PAX7: variants seen among roughly 807,000 people sequenced by gnomAD.
PAX7 encodes paired box protein Pax-7.
A neutral mutation model predicts 50.7 loss-of-function variants in PAX7; 18 were observed. The ratio of observed to expected loss-of-function variants is 0.36; its 90% CI spans 0.25 to 0.53. The LOEUF (loss-of-function observed/expected upper bound fraction) is 0.53, where lower values mean the gene tolerates loss of function less well. PAX7 is among the 20% of genes least tolerant of loss of function. PAX7 has a pLI of 0.93. For missense variants in PAX7, 644 were observed against 702.9 expected (o/e 0.92, Z 0.95); for synonymous variants, 310 against 290.4 (o/e 1.07, Z -0.69).
At chr1:18,671,713 G>A (rs1237588200) in intron 4 of PAX7, among the ~76,000 whole-genome samples, 1 of 152,154 alleles carries the variant, frequency 6.6e-6, no homozygotes, top group African/African-American at 2.4e-5. Context: ...GCCAGGCCTG[G>A]TGGTTCATAC....
In PAX7 at chr1:18,691,835, C is replaced by T; in HGVS notation, c.668C>T (p.Thr223Ile). The change falls in exon 5 of 9, where the codon ACA (threonine) becomes ATA (isoleucine). Residue 223 changes from threonine (T) to isoleucine (I), a missense_variant. Thr to Ile is a moderately conservative substitution (Grantham distance 89). Transcript: ENST00000420770. ...CGCAAGCAGCGACGCAGTCGGACCACATTCACGGCCGAGCAGCTGGAGGAG... is the reference window on the plus strand; with the variant it reads ...CGCAAGCAGCGACGCAGTCGGACCATATTCACGGCCGAGCAGCTGGAGGAG... ...LKRKQRRSRT[T>I]FTAEQLEELE... 6.2e-7 allele frequency: 1 copy of T among 1,613,564 alleles called. No individual in the cohort carries two copies. The highest frequency in any genetic ancestry group is 1.3e-5 in the African/African-American group (1 of 75,080).
Position 18,631,699 on chromosome 1 carries a change from C to G in PAX7, c.85+11C>G. 1.9e-6 allele frequency: 3 copies of G among 1,606,864 alleles called. No homozygotes were observed. The highest frequency in any genetic ancestry group is 2.5e-6 in the Non-Finnish European group (3 of 1,176,572). ...GATTCCCTTTGGAAGGTAAGAACGCCCAGGCTGGCCTCGCCGCGACTCCGC... is the reference window on the plus strand; with the variant it reads ...GATTCCCTTTGGAAGGTAAGAACGCGCAGGCTGGCCTCGCCGCGACTCCGC... On this transcript the variant is annotated intron_variant, in intron 1 of 8. Transcript: ENST00000420770.
chr1:18,680,223 G>T (rs1333530595), intron 4 of PAX7, among the ~76,000 whole-genome samples: 1 of 152,154 alleles, frequency 6.6e-6, no homozygotes, highest in Non-Finnish European at 1.5e-5. Context: ...CTAGGGAATA[G>T]GCAGGATGGC....
intron 4 of PAX7, among the ~76,000 whole-genome samples, chr1:18,685,672 G>A (rs114119218): frequency 0.019 from 2,848 of 152,332 alleles, 86 homozygotes; most frequent in African/African-American, 0.064. Flanking sequence ...CTCACTCACA[G>A]AAGCCATGAG....
At chr1:18,672,849 C>A (rs1452374232) in intron 4 of PAX7, among the ~76,000 whole-genome samples, 1 of 152,142 alleles carries the variant, frequency 6.6e-6, no homozygotes, top group African/African-American at 2.4e-5. Context: ...GGTGATCTGC[C>A]TGCCTCAGCC....
chr1:18,722,053 C>T (rs112424924), intron 7 of PAX7, among the ~76,000 whole-genome samples: 2,215 of 152,276 alleles, frequency 0.015, 58 homozygotes, highest in African/African-American at 0.05. Context: ...CAGGGTTAGA[C>T]CTGCTTCCCA....
At position 18,635,196 on chromosome 1, in the gene PAX7, G is replaced by A; in HGVS notation, c.407G>A (p.Arg136Lys). 1 of 1,614,048 alleles carries A rather than the reference G, an allele frequency of 6.2e-7. No homozygotes were observed. Among genetic ancestry groups the A allele is most frequent in the Non-Finnish European group, 8.5e-7 (1 of 1,179,982 alleles). ...ATGTTCAGCTGGGAGATCCGGGACA[G>A]GCTGCTGAAGGATGGGCACTGTGAC... ...PGMFSWEIRD[R>K]LLKDGHCDRS... Residue 136 changes from arginine to lysine, a missense_variant, in exon 3 of 9, where the codon AGG (arginine) becomes AAG (lysine). Transcript: ENST00000420770.
rs1225074300 is a variant in PAX7 at position 18,744,947 on chromosome 1, G to T, written c.*18G>T. On this transcript the variant is annotated 3_prime_UTR_variant, in exon 9 of 9. Transcript: ENST00000420770. ...CCTACTAGGGCCCCTGGGGCGACTTGCCCCAGCCCAATTCCCAGCCCAACC... is the reference window on the plus strand; with the variant it reads ...CCTACTAGGGCCCCTGGGGCGACTTTCCCCAGCCCAATTCCCAGCCCAACC... 3 of 1,418,250 alleles carry T rather than the reference G, an allele frequency of 2.1e-6. No homozygotes were observed. The highest frequency in any genetic ancestry group is 2.9e-6 in the Non-Finnish European group (3 of 1,025,732). The allele number at this position is 1,418,250 out of a possible 1,614,324, so 87.9% of individuals were successfully genotyped here. A position where few individuals can be genotyped will look rare whatever the true frequency, so the allele number is the denominator to read the frequency against.
At chr1:18,734,011 C>A (rs1183866144) in intron 7 of PAX7, among the ~76,000 whole-genome samples, 1 of 152,190 alleles carries the variant, frequency 6.6e-6, no homozygotes, top group Non-Finnish European at 1.5e-5. Flanking sequence ...CGAGGTTACA[C>A]AGCTGGTAAA....
chr1:18,738,001 T>C (rs1161141414), intron 8 of PAX7, among the ~76,000 whole-genome samples: 1 of 152,210 alleles, frequency 6.6e-6, no homozygotes, highest in Non-Finnish European at 1.5e-5. Flanking sequence ...AGTACCTGTG[T>C]GTGGACACAT....
At chr1:18,738,777 C>T (rs974726529) in intron 8 of PAX7, among the ~76,000 whole-genome samples, 7 of 152,328 alleles carry the variant, frequency 4.6e-5, no homozygotes, top group African/African-American at 1.7e-4. Context: ...AAGCCCCCTC[C>T]TCTGCCCCCA....
intron 5 of PAX7, among the ~76,000 whole-genome samples, chr1:18,695,904 TCTTTA>T (rs1010943234): frequency 7.2e-5 from 11 of 152,040 alleles, no homozygotes; most frequent in African/African-American, 2.4e-4. Flanking sequence ...GTACAACGCC[TCTTTA>T]CTTTACCGTC....
chr1:18,636,087 C>G lies in PAX7; in HGVS notation c.452-150C>G. ...TGGATGCTGGTTATGGAGTACGTGT[C>G]AATGCCTAAATGCCTGTGTGTGGAA... On this transcript the variant is annotated intron_variant, in intron 3 of 8. Transcript: ENST00000420770. This position sits in a 1 kb window ranked among gnomAD's most constrained non-coding sequence, Gnocchi z 5.1. 1.2e-6 allele frequency: 1 copy of G among 807,390 alleles called. No homozygotes were observed. The highest frequency in any genetic ancestry group is 2.0e-6 in the Non-Finnish European group (1 of 498,400). 50.0% of individuals were successfully genotyped at this position (807,390 alleles called of 1,614,324 possible).
rs2089211306 is a variant in PAX7, at chr1:18,700,940, T to C, written c.952+122T>C. 5 of 1,012,328 alleles carry C rather than the reference T, an allele frequency of 4.9e-6. No homozygotes were observed. In the South Asian group the frequency reaches 1.2e-4, roughly 24 times the overall value. The allele number at this position is 1,012,328 out of a possible 1,614,324, so 62.7% of individuals were successfully genotyped here. ...TCTTACTTTCATGTAAGCAGGCTAT[T>C]GAGAGCAAAAAGATGCAATCCTGCC... is the stretch of plus-strand genomic sequence containing the variant. On this transcript the variant is annotated intron_variant, in intron 6 of 8. Coordinates refer to ENST00000420770, the MANE Select transcript of PAX7 (RefSeq NM_001135254.2). The surrounding 1 kb of genome is among the most constrained non-coding windows in gnomAD (Gnocchi z 4.8).
intron 7 of PAX7, among the ~76,000 whole-genome samples, chr1:18,709,985 TG>T (rs2089330598): frequency 6.6e-6 from 1 of 152,230 alleles, no homozygotes; most frequent in Non-Finnish European, 1.5e-5. Flanking sequence ...TATTTGTGAA[TG>T]GGGTCTCCTG....
At chr1:18,665,137 G>A (rs998603612) in intron 4 of PAX7, among the ~76,000 whole-genome samples, 1 of 152,148 alleles carries the variant, frequency 6.6e-6, no homozygotes. Flanking sequence ...GCGAGCCTGG[G>A]CACAGTAAGT....
At chr1:18,639,547 A>G (rs572073171) in intron 4 of PAX7, among the ~76,000 whole-genome samples, 1 of 151,650 alleles carries the variant, frequency 6.6e-6, no homozygotes, top group East Asian at 1.9e-4. Context: ...ATGCACTTAG[A>G]CTCCCTCCTC....
At chr1:18,676,550 C>G (rs2088824605) in intron 4 of PAX7, among the ~76,000 whole-genome samples, 1 of 152,070 alleles carries the variant, frequency 6.6e-6, no homozygotes, top group South Asian at 2.1e-4. Flanking sequence ...AAGGATAAGT[C>G]TTCCCCACCC....
At position 18,631,540 on chromosome 1, in the gene PAX7, G is replaced by A. The variant is rs1277646331; in HGVS notation, c.-64G>A. 13 of 1,303,450 alleles carry A rather than the reference G, an allele frequency of 1.0e-5. No individual in the cohort carries two copies. Among genetic ancestry groups the A allele is most frequent in the East Asian group, 4.7e-5 (2 of 42,348 alleles). The allele number at this position is 1,303,450 out of a possible 1,614,324, so 80.7% of individuals were successfully genotyped here. A position where few individuals can be genotyped will look rare whatever the true frequency, so the allele number is the denominator to read the frequency against. ...ACGGAAAGAAAGAGATCGCAGCAGG[G>A]GTGAAGGGAGCGGACGGGAAGCGAT... On this transcript the variant is annotated 5_prime_UTR_variant, in exon 1 of 9. Coordinates refer to ENST00000420770, the MANE Select transcript of PAX7 (RefSeq NM_001135254.2).
Sources: allele counts gnomAD v4.1 joint callset (sites outside exome capture counted in the v4.1 genomes callset), GRCh38; gene constraint gnomAD v4.1.1; non-coding constraint Gnocchi (gnomAD v3.1); transcripts MANE v1.5; gene names NCBI Gene and HGNC (gene_info 2026-07-23, HGNC 2026-07-21).